ANO1: variants seen among roughly 807,000 people sequenced by gnomAD.
ANO1 encodes the protein anoctamin-1.
A neutral mutation model predicts 124.0 loss-of-function variants in ANO1; 59 were observed. That is an observed-to-expected ratio of 0.48 (90% CI 0.39 to 0.59). The LOEUF (loss-of-function observed/expected upper bound fraction) is 0.59. Ranked by LOEUF, ANO1 falls within the 20% of genes least tolerant of loss-of-function variation. The pLI, the probability that ANO1 is intolerant of heterozygous loss-of-function variation, is 0.00. For synonymous variants in ANO1, 529 were observed against 532.0 expected, an observed-to-expected ratio of 0.99 and a Z score of 0.08; for missense variants, 1,059 against 1,328.0, an observed-to-expected ratio of 0.80 and a Z score of 3.15.
chr11:70,014,395 G>A (rs190991083), intron 1 of ANO1, among the ~76,000 whole-genome samples: 39 of 152,056 alleles, frequency 2.6e-4, no homozygotes, highest in Non-Finnish European at 2.9e-4. Flanking sequence ...CATCAATGCC[G>A]TTGCAGAGCT....
At chr11:69,979,524 A>G in the ANO1 span, among the ~76,000 whole-genome samples, 1 of 152,198 alleles carries the variant, frequency 6.6e-6, no homozygotes, top group African/African-American at 2.4e-5. Context: ...GACAACAGAG[A>G]TAAAAATAAT....
At chr11:70,143,489 T>C (rs2047233454) in intron 11 of ANO1, among the ~76,000 whole-genome samples, 1 of 152,012 alleles carries the variant, frequency 6.6e-6, no homozygotes, top group Non-Finnish European at 1.5e-5. Flanking sequence ...GGAGGGATGG[T>C]TGGAGAAGGA....
chr11:69,996,221 G>A (rs541217518), intron 1 of ANO1, among the ~76,000 whole-genome samples: 156 of 152,284 alleles, frequency 1.0e-3, no homozygotes, highest in Non-Finnish European at 1.7e-3. Context: ...ACCATCCTGA[G>A]CTGAATTTGC....
chr11:70,138,058 C>T (rs2047012583), intron 11 of ANO1, among the ~76,000 whole-genome samples: 1 of 147,504 alleles, frequency 6.8e-6, no homozygotes, highest in Admixed American at 7.2e-5. Context: ...AAAAGAATAA[C>T]AGCTGGCTGG....
At chr11:70,186,642 G>A (rs902184349) in intron 25 of ANO1, among the ~76,000 whole-genome samples, 8 of 152,178 alleles carry the variant, frequency 5.3e-5, no homozygotes, top group South Asian at 4.1e-4. Context: ...GCTGTGCACC[G>A]GCAGCTGAGG....
upstream of ANO1, among the ~76,000 whole-genome samples, chr11:70,074,214 C>T (rs2044024317): frequency 6.6e-6 from 1 of 152,098 alleles, no homozygotes; most frequent in Non-Finnish European, 1.5e-5. Flanking sequence ...CTGCTCACTC[C>T]TTCCATGCTC....
chr11:70,159,747 C>A (rs184868808), intron 16 of ANO1, among the ~76,000 whole-genome samples: 1 of 152,230 alleles, frequency 6.6e-6, no homozygotes, highest in Non-Finnish European at 1.5e-5. Context: ...ACAGGCCTGG[C>A]GCTCCAGCTG....
At chr11:70,145,055 G>A (rs979848758) in intron 11 of ANO1, among the ~76,000 whole-genome samples, 8 of 152,170 alleles carry the variant, frequency 5.3e-5, no homozygotes, top group Non-Finnish European at 8.8e-5. Flanking sequence ...TGGGACCCTC[G>A]GAGGGCAGGA....
chr11:70,043,538 A>G (rs1432190174), intron 1 of ANO1, among the ~76,000 whole-genome samples: 4 of 152,188 alleles, frequency 2.6e-5, no homozygotes, highest in African/African-American at 9.6e-5. Context: ...CATTATAATC[A>G]AACTGCTGAA....
intron 1 of ANO1, among the ~76,000 whole-genome samples, chr11:70,038,104 A>G (rs1000031498): frequency 1.3e-5 from 2 of 152,172 alleles, no homozygotes; most frequent in Non-Finnish European, 2.9e-5. Context: ...AAAGTTTCTT[A>G]AAACCATAAA....
chr11:70,025,701 G>GTGGTGA (rs1856884773), intron 1 of ANO1, among the ~76,000 whole-genome samples: 1 of 89,644 alleles, frequency 1.1e-5, no homozygotes, highest in Non-Finnish European at 2.3e-5. Context: ...GATGATGGTG[G>GTGGTGA]TGGTGATGGT....
intron 11 of ANO1, among the ~76,000 whole-genome samples, chr11:70,142,030 G>T (rs1366854271): frequency 1.3e-5 from 2 of 152,206 alleles, no homozygotes; most frequent in Non-Finnish European, 1.5e-5. Context: ...GAGCTGACAC[G>T]TTGGTCCCAG....
intron 1 of ANO1, among the ~76,000 whole-genome samples, chr11:70,069,077 G>C (rs1857803474): frequency 6.6e-6 from 1 of 152,196 alleles, no homozygotes; most frequent in Non-Finnish European, 1.5e-5. Context: ...TGTGAAACAA[G>C]CCATATGAAT....
chr11:70,111,536 C>G (rs1161172364), intron 6 of ANO1, among the ~76,000 whole-genome samples, 171 bp from the exon 7 acceptor site: 3 of 152,236 alleles, frequency 2.0e-5, no homozygotes, highest in African/African-American at 7.2e-5. Context: ...CAGCTGCACC[C>G]TGTCATTCCT....
At chr11:70,026,575 A>G (rs898336967) in intron 1 of ANO1, among the ~76,000 whole-genome samples, 11 of 149,778 alleles carry the variant, frequency 7.3e-5, no homozygotes, top group African/African-American at 2.7e-4. Flanking sequence ...TGACAACAGT[A>G]ATGATGATGG....
rs2044827161 is a variant in ANO1 at position 70,095,287 on chromosome 11, G to GGAAAGAAA, written c.441+7206_441+7207insAGAAAGAA. ...AGGAAGGAAGGAAGGAAGGAAGGAA[G>GGAAAGAAA]GAAGGAAGGAAGGAAAGAAAGAAAG... On this transcript the variant is annotated intron_variant, in intron 2 of 25. Coordinates refer to ENST00000355303, the MANE Select transcript of ANO1 (RefSeq NM_018043.7). Among the ~76,000 whole-genome samples, 18 of 80,700 alleles carry GGAAAGAAA rather than the reference G, an allele frequency of 2.2e-4. 1 individual carries two copies. The highest frequency in any genetic ancestry group is 7.8e-4 in the African/African-American group (13 of 16,740). The allele number at this position is 80,700 out of a possible 152,430, so 52.9% of individuals were successfully genotyped here.
rs752624538 is a variant in ANO1, at chr11:70,161,710, T to C, written c.1869T>C (p.Phe623=). The part of the protein sequence containing the change: ...LKFVNSYTPI[F]YVAFFKGRFV... Reference sequence around the variant, plus strand: ...TTGTGAATTCCTACACCCCCATCTTTTACGTGGCGTTCTTCAAAGGCCGGT... The same window carrying C: ...TTGTGAATTCCTACACCCCCATCTTCTACGTGGCGTTCTTCAAAGGCCGGT... The change falls in exon 18 of 26, where the codon TTT becomes TTC. Residue 623 remains phenylalanine (F), a synonymous_variant. Coordinates refer to ENST00000355303, the MANE Select transcript of ANO1 (RefSeq NM_018043.7). 2 of 1,614,024 alleles carry C rather than the reference T, an allele frequency of 1.2e-6. No homozygotes were observed. The highest frequency in any genetic ancestry group is 1.7e-6 in the Non-Finnish European group (2 of 1,179,876).
At chr11:70,002,805 A>G (rs1856411291) in intron 1 of ANO1, among the ~76,000 whole-genome samples, 1 of 152,226 alleles carries the variant, frequency 6.6e-6, no homozygotes, top group African/African-American at 2.4e-5. Context: ...TTGAGGGTAA[A>G]GCAAACTCTG....
chr11:70,161,165 C>T lies in ANO1; in HGVS notation c.1583C>T (p.Ala528Val), dbSNP rs375036373. 8 of 1,613,444 alleles carry T rather than the reference C, an allele frequency of 5.0e-6. No homozygotes were observed. Among genetic ancestry groups the T allele is most frequent in the Non-Finnish European group, 5.9e-6 (7 of 1,179,810 alleles). ...GTGCCCCTTTCCCCCCTGCAGATTG[C>T]AGTGACGTTTGCCATCGTCCTCGGC... ...TNLVSIIFMIAVTFAIVLGVI... is the reference protein window; with the variant it reads ...TNLVSIIFMIVVTFAIVLGVI... Residue 528 changes from alanine to valine, a missense_variant, in exon 17 of 26, where the codon GCA (alanine) becomes GTA (valine). This residue lies in a region of ANO1 where 809 missense variants were observed against 1,094.9 expected (regional missense o/e 0.74). Coordinates refer to ENST00000355303, the MANE Select transcript of ANO1 (RefSeq NM_018043.7).
Sources: gnomAD v4.1 joint callset for allele counts (sites outside exome capture counted in the v4.1 genomes callset) on GRCh38, gnomAD v4.1.1 for gene constraint, gnomAD v4.1.1 regional missense constraint, MANE v1.5 for transcripts, NCBI Gene and HGNC (gene_info 2026-07-23, HGNC 2026-07-21) for gene names.